Variants in RAB9A observed in about 807,000 individuals in gnomAD.
The protein encoded by RAB9A is ras-related protein Rab-9A.
In RAB9A, 1 loss-of-function variant was observed where a neutral mutation model predicts 10.3. That is an observed-to-expected ratio of 0.10 (90% CI 0.03 to 0.46). The LOEUF is 0.46. RAB9A is among the 20% of genes least tolerant of loss of function. The pLI is 0.96. For missense variants in RAB9A, 92 were observed against 150.3 expected (o/e 0.61, Z 2.03); for synonymous variants, 39 against 55.2 (o/e 0.71, Z 1.30).
At chrX:13,689,689 G>A (rs1265673327) in intron 1 of RAB9A, among the ~76,000 whole-genome samples, 1 of 111,833 alleles carries the variant, frequency 8.9e-6, no homozygotes, top group African/African-American at 3.3e-5. Context: ...AATGATTAAT[G>A]TAGGGAAAAC....
intron 2 of RAB9A, among the ~76,000 whole-genome samples, chrX:13,707,233 T>C (rs2046201937): frequency 8.9e-6 from 1 of 112,499 alleles, no homozygotes; most frequent in Non-Finnish European, 1.9e-5. Flanking sequence ...TCTTGTACAG[T>C]GCTGCTCTAA....
At chrX:13,704,633 T>A (rs2046189560) in intron 2 of RAB9A, among the ~76,000 whole-genome samples, 1 of 108,234 alleles carries the variant, frequency 9.2e-6, no homozygotes, top group Admixed American at 9.9e-5. Context: ...TTTTTTTTTT[T>A]AGATAGAGTC....
At chrX:13,695,829 G>A (rs1388193720) in intron 1 of RAB9A, among the ~76,000 whole-genome samples, 1 of 111,401 alleles carries the variant, frequency 9.0e-6, no homozygotes, top group Non-Finnish European at 1.9e-5. Flanking sequence ...TTTCAGTCTC[G>A]TGAAATAGCT....
At chrX:13,704,115 G>T (rs926782660) in intron 2 of RAB9A, among the ~76,000 whole-genome samples, 2 of 111,733 alleles carry the variant, frequency 1.8e-5, no homozygotes, top group Non-Finnish European at 3.8e-5. Context: ...CCTATATCAC[G>T]TTGGTGCCCC....
At chrX:13,707,096 T>C (rs2046201190) in intron 2 of RAB9A, among the ~76,000 whole-genome samples, 1 of 112,517 alleles carries the variant, frequency 8.9e-6, no homozygotes, top group South Asian at 3.6e-4. Context: ...AATGTGGCTA[T>C]TTATTTAAAA....
In RAB9A at chrX:13,708,821, C is replaced by G; in HGVS notation, c.75C>G (p.Asn25Lys). 1 of 1,206,426 alleles carries G rather than the reference C, an allele frequency of 8.3e-7. No homozygotes were observed. ...DGGVGKSSLM[N>K]RYVTNKFDTQ... Reference sequence around the variant, plus strand: ...GAGTTGGGAAGAGTTCACTTATGAACAGATATGTAACTAATAAGTTTGATA... The same window carrying G: ...GAGTTGGGAAGAGTTCACTTATGAAGAGATATGTAACTAATAAGTTTGATA... The change falls in exon 3 of 3, where the codon AAC becomes AAG. Residue 25 changes from asparagine (N) to lysine (K), a missense_variant. Transcript: ENST00000464506.
At position 13,709,584 on chromosome X, in the gene RAB9A, CTTTAA is replaced by C. The variant is rs775154135; in HGVS notation, c.*238_*242del. ...TTGTAACAGTTGTCTAATAACGTTT[CTTTAA>C]TTTAAATATGTAAGTTGCAGAGCTA... On this transcript the variant is annotated 3_prime_UTR_variant, in exon 3 of 3. Transcript: ENST00000464506. 1.0e-4 allele frequency: 26 copies of C among 254,490 alleles called. No individual in the cohort carries two copies. Among genetic ancestry groups the C allele is most frequent in the South Asian group, 7.5e-4 (4 of 5,362 alleles). The allele number at this position is 254,490 out of a possible 1,213,427, so 21.0% of individuals were successfully genotyped here.
intron 1 of RAB9A, among the ~76,000 whole-genome samples, chrX:13,696,243 A>G (rs2046147094): frequency 1.8e-5 from 1 of 55,610 alleles, no homozygotes; most frequent in Non-Finnish European, 3.5e-5. Flanking sequence ...CCTTGTCATT[A>G]CAAAAAAAAA....
At chrX:13,703,130 C>A (rs1333447845) in intron 1 of RAB9A, among the ~76,000 whole-genome samples, 1 of 112,643 alleles carries the variant, frequency 8.9e-6, no homozygotes, top group Non-Finnish European at 1.9e-5. Context: ...AAGATTCTTA[C>A]CATTTGCAAT....
chrX:13,705,497 G>A (rs1218730085), intron 2 of RAB9A, among the ~76,000 whole-genome samples: 1 of 111,568 alleles, frequency 9.0e-6, no homozygotes, highest in Non-Finnish European at 1.9e-5. Flanking sequence ...AAGTGTCTTG[G>A]AAAAATTACA....
At chrX:13,706,311 T>C (rs2046197134) in intron 2 of RAB9A, among the ~76,000 whole-genome samples, 1 of 111,801 alleles carries the variant, frequency 8.9e-6, no homozygotes, top group South Asian at 3.7e-4. Flanking sequence ...TCTCAAAAGG[T>C]ATGCACCTTA....
chrX:13,706,703 G>A, intron 2 of RAB9A, among the ~76,000 whole-genome samples: 1 of 110,385 alleles, frequency 9.1e-6, no homozygotes, highest in Admixed American at 9.7e-5. Flanking sequence ...CTGGCCTGTA[G>A]TAGTAATTTG....
At chrX:13,689,711 C>A (rs1440491032) in intron 1 of RAB9A, among the ~76,000 whole-genome samples, 2 of 111,704 alleles carry the variant, frequency 1.8e-5, no homozygotes, top group Admixed American at 9.4e-5. Flanking sequence ...AAGGCGCTCC[C>A]ATGACTTGAT....
intron 1 of RAB9A, among the ~76,000 whole-genome samples, chrX:13,700,495 G>A (rs2046168158): frequency 8.9e-6 from 1 of 112,125 alleles, no homozygotes; most frequent in African/African-American, 3.2e-5. Context: ...GAATTTTGCC[G>A]TATCTGCTGG....
intron 2 of RAB9A, among the ~76,000 whole-genome samples, chrX:13,705,060 A>G (rs2046191740): frequency 8.9e-6 from 1 of 112,490 alleles, no homozygotes; most frequent in Admixed American, 9.4e-5. Flanking sequence ...AAAATAACGT[A>G]GTAGGATCCC....
intron 2 of RAB9A, 55 bp from the exon 3 acceptor site, chrX:13,708,666 A>ATG (rs1460153820): frequency 2.6e-5 from 26 of 1,013,229 alleles, no homozygotes; most frequent in Non-Finnish European, 3.3e-5. Flanking sequence ...TCGTAGAATC[A>ATG]TGTAGAAGAA....
chrX:13,695,620 AAAAG>A (rs769751599), intron 1 of RAB9A, among the ~76,000 whole-genome samples: 3 of 112,382 alleles, frequency 2.7e-5, no homozygotes, highest in Non-Finnish European at 3.8e-5. Context: ...TGCGTAAGAG[AAAAG>A]AAAGAGATTT....
At chrX:13,703,226 G>A (rs1419043627) in intron 1 of RAB9A, among the ~76,000 whole-genome samples, 5 of 112,529 alleles carry the variant, frequency 4.4e-5, no homozygotes, top group Non-Finnish European at 9.4e-5. Context: ...AGCCTAGTGG[G>A]TTAAGTGCCT....
At chrX:13,689,624 C>A (rs374225583) in intron 1 of RAB9A, among the ~76,000 whole-genome samples, 2 of 111,926 alleles carry the variant, frequency 1.8e-5, no homozygotes, top group Non-Finnish European at 3.8e-5. Context: ...GCCAGCCTTT[C>A]CCCCAACCAC....
Sources: gnomAD v4.1 joint callset for allele counts (sites outside exome capture counted in the v4.1 genomes callset) on GRCh38, gnomAD v4.1.1 for gene constraint, MANE v1.5 for transcripts, NCBI Gene and HGNC (gene_info 2026-07-23, HGNC 2026-07-21) for gene names.